The following THSD4 variants were observed in gnomAD, a reference collection of about 807,000 sequenced individuals.
The protein encoded by THSD4 is thrombospondin type 1 domain containing 4, also known as thrombospondin type-1 domain-containing protein 4.
A neutral mutation model predicts 119.0 loss-of-function variants in THSD4; 69 were observed. The observed-to-expected ratio is 0.58, with a 90% CI of 0.48 to 0.71. The LOEUF (loss-of-function observed/expected upper bound fraction) is 0.71, where lower values mean the gene tolerates loss of function less well. Among genes scored for constraint, THSD4 ranks in the 30% least tolerant of loss-of-function variants. The pLI, the probability that THSD4 is intolerant of heterozygous loss-of-function variation, is 0.00. For synonymous variants in THSD4, 524 were observed against 540.4 expected, an observed-to-expected ratio of 0.97 and a Z score of 0.42; for missense variants, 1,393 against 1,391.1, an observed-to-expected ratio of 1.00 and a Z score of -0.02.
At chr15:71,682,872 C>T (rs2051816421) in intron 8 of THSD4, among the ~76,000 whole-genome samples, 1 of 19,282 alleles carries the variant, frequency 5.2e-5, no homozygotes, top group African/African-American at 1.4e-4. Flanking sequence ...TTCTTTCTTT[C>T]TTTCTTTCTT....
intron 8 of THSD4, among the ~76,000 whole-genome samples, chr15:71,724,785 G>GTTTTTTT (rs1163437012): frequency 6.6e-6 from 1 of 152,116 alleles, no homozygotes; most frequent in Non-Finnish European, 1.5e-5. Flanking sequence ...GGCGGAGGAG[G>GTTTTTTT]TTAAATAAGA....
intron 6 of THSD4, among the ~76,000 whole-genome samples, chr15:71,280,433 C>T (rs903093517): frequency 2.0e-5 from 3 of 152,074 alleles, no homozygotes; most frequent in African/African-American, 7.2e-5. Context: ...CTCTTTGGAA[C>T]AAAAGGGGTG....
chr15:71,320,648 T>C (rs2140360082), intron 6 of THSD4, among the ~76,000 whole-genome samples: 1 of 152,336 alleles, frequency 6.6e-6, no homozygotes, highest in South Asian at 2.1e-4. Context: ...AACTTTTTGC[T>C]CCATCCATAC....
At chr15:71,428,805 T>C (rs2046906878) in intron 7 of THSD4, among the ~76,000 whole-genome samples, 1 of 152,210 alleles carries the variant, frequency 6.6e-6, no homozygotes, top group Non-Finnish European at 1.5e-5. Flanking sequence ...TCTTTTTTAA[T>C]GCAGATATTT....
chr15:71,493,683 A>G (rs2047961155), intron 7 of THSD4, among the ~76,000 whole-genome samples: 1 of 152,210 alleles, frequency 6.6e-6, no homozygotes, highest in African/African-American at 2.4e-5. Flanking sequence ...AATTGCTGGC[A>G]TGAACTTTCT....
At position 71,555,522 on chromosome 15, in the gene THSD4, A is replaced by G. The variant is rs905503449; in HGVS notation, c.1153-105008A>G. On this transcript the variant is annotated intron_variant, in intron 7 of 17. Coordinates refer to ENST00000261862, the MANE Select transcript of THSD4 (RefSeq NM_024817.3). The stretch of plus-strand genomic sequence containing the variant: ...TTCTTTGCTTTTTCACTACTGATTT[A>G]AGAGTGCTTTGTGTATCTTGAATAT... Among the ~76,000 whole-genome samples the G allele has an allele frequency of 2.0e-5, 3 of 152,172 alleles. 1 individual carries two copies. Among genetic ancestry groups the G allele is most frequent in the Non-Finnish European group, 4.4e-5 (3 of 68,018 alleles).
intron 7 of THSD4, among the ~76,000 whole-genome samples, chr15:71,442,656 GTGTGTATATA>G (rs1566984983): frequency 0.016 from 480 of 30,636 alleles, 72 homozygotes; most frequent in African/African-American, 0.043. Flanking sequence ...GTGTGTGTGT[GTGTGTATATA>G]TATATATATA....
intron 6 of THSD4, among the ~76,000 whole-genome samples, chr15:71,300,398 C>A (rs1331468934): frequency 6.6e-6 from 1 of 152,128 alleles, no homozygotes; most frequent in Non-Finnish European, 1.5e-5. Flanking sequence ...ATAGTAGTTT[C>A]TCTTCTGGTT....
chr15:71,660,838 T>G, intron 8 of THSD4, 104 bp downstream of exon 8: 1 of 1,265,536 alleles, frequency 7.9e-7, no homozygotes, highest in Non-Finnish European at 1.1e-6. Context: ...TCCCGGGGCA[T>G]GCAGGCAGTG....
chr15:71,538,606 CA>C (rs542800402), intron 7 of THSD4, among the ~76,000 whole-genome samples: 1 of 152,214 alleles, frequency 6.6e-6, no homozygotes, highest in South Asian at 2.1e-4. Context: ...GTTCCCAAAC[CA>C]GCAGGCATCC....
intron 8 of THSD4, among the ~76,000 whole-genome samples, chr15:71,699,361 C>T (rs1383832537): frequency 4.6e-5 from 3 of 65,090 alleles, no homozygotes; most frequent in Non-Finnish European, 5.4e-5. Context: ...TACAGGCGCC[C>T]GCCACTACGC....
At position 71,705,471 on chromosome 15, in the gene THSD4, G is replaced by A. The variant is rs188300688; in HGVS notation, c.1358-23078G>A. ...CTCTAACCCCGAGCAGCTTATCCAG[G>A]ACATTCTTCTTGCCATGCACAGGAG... On this transcript the variant is annotated intron_variant, in intron 8 of 17. Transcript: ENST00000261862. 2.8e-4 allele frequency among the ~76,000 whole-genome samples: 43 copies of A among 152,272 alleles called. No individual in the cohort carries two copies. The Middle Eastern group carries it at 0.027, about 96-fold the overall frequency.
At chr15:71,632,428 G>A (rs142464638) in intron 7 of THSD4, among the ~76,000 whole-genome samples, 244 of 152,316 alleles carry the variant, frequency 1.6e-3, no homozygotes, top group Non-Finnish European at 2.6e-3. Context: ...AATTTCCAGG[G>A]ATTGTTTGCA....
At chr15:71,524,255 C>G (rs1235860426) in intron 7 of THSD4, among the ~76,000 whole-genome samples, 3 of 152,216 alleles carry the variant, frequency 2.0e-5, no homozygotes, top group Non-Finnish European at 4.4e-5. Flanking sequence ...GGGACTGACA[C>G]CAGTAACTGG....
chr15:71,630,978 C>T (rs936117710), intron 7 of THSD4, among the ~76,000 whole-genome samples: 10 of 152,174 alleles, frequency 6.6e-5, no homozygotes, highest in Admixed American at 3.3e-4. Flanking sequence ...CCACCAGATG[C>T]CATCATGCTC....
intron 7 of THSD4, among the ~76,000 whole-genome samples, chr15:71,528,973 C>G (rs985339299): frequency 2.0e-5 from 3 of 152,228 alleles, no homozygotes; most frequent in Non-Finnish European, 2.9e-5. Flanking sequence ...CGTTGTCTGC[C>G]AAACCTGAGT....
chr15:71,316,546 G>T (rs1229015461), intron 6 of THSD4, among the ~76,000 whole-genome samples: 2 of 152,120 alleles, frequency 1.3e-5, no homozygotes, highest in Non-Finnish European at 2.9e-5. Context: ...GTGTCATTTG[G>T]CTCCTTAAAT....
chr15:71,761,346 C>G (rs938259101), intron 15 of THSD4, among the ~76,000 whole-genome samples: 8 of 152,158 alleles, frequency 5.3e-5, no homozygotes, highest in African/African-American at 1.9e-4. Flanking sequence ...AAAATAGAAG[C>G]CTTCCCCTTT....
At chr15:71,206,697 G>A (rs2043846454) in intron 3 of THSD4, among the ~76,000 whole-genome samples, 1 of 152,202 alleles carries the variant, frequency 6.6e-6, no homozygotes, top group African/African-American at 2.4e-5. Context: ...ATTGAGAGCT[G>A]TTCTGGTTAT....
Sources: allele counts gnomAD v4.1 joint callset (sites outside exome capture counted in the v4.1 genomes callset), GRCh38; gene constraint gnomAD v4.1.1; transcripts MANE v1.5; gene names NCBI Gene and HGNC (gene_info 2026-07-23, HGNC 2026-07-21).